The following TMEM176A variants were observed in gnomAD, a reference collection of about 807,000 sequenced individuals.
TMEM176A encodes hepatocellular carcinoma-associated antigen 112.
Under a neutral mutation model 27.9 loss-of-function variants are expected in TMEM176A, and 20 were observed. That is an observed-to-expected ratio of 0.72 (90% confidence interval 0.50 to 1.04). The LOEUF (loss-of-function observed/expected upper bound fraction) is 1.04, where lower values mean the gene tolerates loss of function less well. Ranked by LOEUF, TMEM176A falls within the 50% of genes least tolerant of loss-of-function variation. The probability of loss-of-function intolerance (pLI) is 0.00; values close to 1 mark genes in which losing one functional copy is unlikely to be tolerated. For missense variants in TMEM176A, 252 were observed against 289.1 expected, an observed-to-expected ratio of 0.87 and a Z score of 0.93; for synonymous variants, 125 against 118.0, an observed-to-expected ratio of 1.06 and a Z score of -0.38.
chr7:150,804,989 C>CACGGTCATGGGG lies in TMEM176A; in HGVS notation c.*121_*122insACGGTCATGGGG. On this transcript the variant is annotated 3_prime_UTR_variant, in exon 7 of 7. Coordinates refer to ENST00000004103, the MANE Select transcript of TMEM176A (RefSeq NM_018487.3). ...CTTCAACAGCCCCAGTTATCCTGGCCCCATGACCGTGGCCACAGCCCTGCT... is the reference window on the plus strand; with the variant it reads ...CTTCAACAGCCCCAGTTATCCTGGCCACGGTCATGGGGCCATGACCGTGGCCACAGCCCTGCT... The CACGGTCATGGGG allele has an allele frequency of 2.8e-6, 3 of 1,069,588 alleles. No homozygotes were observed. The highest frequency in any genetic ancestry group is 4.3e-6 in the Non-Finnish European group (3 of 697,214). The allele number at this position is 1,069,588 out of a possible 1,614,324, so 66.3% of individuals were successfully genotyped here. A position where few individuals can be genotyped will look rare whatever the true frequency, so the allele number is the denominator to read the frequency against.
rs368799902 is a variant in TMEM176A at position 150,804,476 on chromosome 7, A to C, written c.666+4A>C. 2.5e-6 allele frequency: 4 copies of C among 1,609,388 alleles called. No homozygotes were observed. The highest frequency in any genetic ancestry group is 3.4e-6 in the Non-Finnish European group (4 of 1,175,758). ...GAGAATGTTCCCAACCAAAGGGGTG[A>C]GTCCCTAAGGTGTGTGCCTGTGTAT... On this transcript the variant is annotated splice_donor_region_variant and intron_variant, in intron 6 of 6. Coordinates refer to ENST00000004103, the MANE Select transcript of TMEM176A (RefSeq NM_018487.3).
rs1293847438 is a variant in TMEM176A at position 150,800,836 on chromosome 7, G to C, written c.-16+8G>C. The C allele has an allele frequency of 6.1e-6, 5 of 817,614 alleles. No homozygotes were observed. The African/African-American group carries it at 9.3e-5, about 15-fold the overall frequency. The allele number at this position is 817,614 out of a possible 1,614,324, so 50.6% of individuals were successfully genotyped here. ...AGGTCCCGAGGAGCGCAGGTGAGGCGGCACCCCACTCCCGGCGGCCCCCGG... is the reference window on the plus strand; with the variant it reads ...AGGTCCCGAGGAGCGCAGGTGAGGCCGCACCCCACTCCCGGCGGCCCCCGG... On this transcript the variant is annotated splice_region_variant and intron_variant, in intron 1 of 6. Transcript: ENST00000004103.
At chr7:150,803,103 T>C (rs1329391897) in intron 3 of TMEM176A, 20 of 1,094,788 alleles carry the variant, frequency 1.8e-5, no homozygotes, top group Middle Eastern at 8.0e-4. Flanking sequence ...CCACCATCCC[T>C]AGAACTTTCA....
At chr7:150,802,701 A>G in intron 3 of TMEM176A, 1 of 1,051,222 alleles carries the variant, frequency 9.5e-7, no homozygotes, top group Non-Finnish European at 1.1e-6. Flanking sequence ...GGTTATTCTC[A>G]TTGTCCTCCA....
chr7:150,802,544 C>T (rs1349208804), intron 3 of TMEM176A: 4 of 666,838 alleles, frequency 6.0e-6, no homozygotes, highest in African/African-American at 3.7e-5. Context: ...CAGTGCTGTT[C>T]CCACCAGGCT....
chr7:150,802,290 G>A lies in TMEM176A; in HGVS notation c.250G>A (p.Val84Ile), dbSNP rs36111354. The change falls in exon 3 of 7, where the codon GTC becomes ATC. Residue 84 changes from valine to isoleucine, a missense_variant. By Grantham distance (29) the Val-to-Ile change is conservative. Transcript: ENST00000004103. ...FFYIRDYTLL[V>I]TSGAAIWTGA... ...CTACATCCGCGACTACACCCTCCTCGTCACCTCGGGAGCTGCCATCTGGAC... is the reference window on the plus strand; with the variant it reads ...CTACATCCGCGACTACACCCTCCTCATCACCTCGGGAGCTGCCATCTGGAC... 6.6e-3 allele frequency: 10,727 copies of A among 1,613,984 alleles called. 48 individuals carry two copies. The highest frequency in any genetic ancestry group is 7.7e-3 in the Non-Finnish European group (9,126 of 1,179,984).
chr7:150,805,098 A>C lies in TMEM176A; in HGVS notation c.*230A>C. 1 of 521,140 alleles carries C rather than the reference A, an allele frequency of 1.9e-6. No homozygotes were observed. The highest frequency in any genetic ancestry group is 3.4e-6 in the Non-Finnish European group (1 of 294,962). 32.3% of individuals were successfully genotyped at this position (521,140 alleles called of 1,614,324 possible). A position where few individuals can be genotyped will look rare whatever the true frequency, so the allele number is the denominator to read the frequency against. On this transcript the variant is annotated 3_prime_UTR_variant, in exon 7 of 7. Coordinates refer to ENST00000004103, the MANE Select transcript of TMEM176A (RefSeq NM_018487.3). The stretch of plus-strand genomic sequence containing the variant: ...CTCCTGAGTAGTCATGTGATAATAA[A>C]CTCTCATGTTATTGTTCCCAGGTTC...
chr7:150,803,878 G>T (rs771838393), intron 5 of TMEM176A, 46 bp downstream of exon 5: 6 of 1,565,780 alleles, frequency 3.8e-6, no homozygotes, highest in Middle Eastern at 1.9e-4. Context: ...GGCAGGGATG[G>T]CCAGGCCAGG....
At position 150,804,873 on chromosome 7, in the gene TMEM176A, G is replaced by A; in HGVS notation, c.*5G>A. ...TTGGAAGTGAGTGGAATCTAGCCAT[G>A]CCTCTCCTGATTATTAGTGCCTGGT... On this transcript the variant is annotated 3_prime_UTR_variant, in exon 7 of 7. Coordinates refer to ENST00000004103, the MANE Select transcript of TMEM176A (RefSeq NM_018487.3). 1.2e-6 allele frequency: 2 copies of A among 1,614,130 alleles called. No homozygotes were observed. The highest frequency in any genetic ancestry group is 2.2e-5 in the East Asian group (1 of 44,880).
rs371746484 is a variant in TMEM176A at position 150,801,666 on chromosome 7, C to T, written c.116C>T (p.Ala39Val). ...LAKLLLTCCS[A>V]LRPRATQARG... ...AAGCTCCTGCTCACCTGCTGCTCTG[C>T]GCTGCGGCCCCGGGCCACCCAGGCC... The change falls in exon 2 of 7, where the codon GCG becomes GTG. Residue 39 changes from alanine to valine, a missense_variant. Ala to Val is a moderately conservative substitution (Grantham distance 64). Coordinates refer to ENST00000004103, the MANE Select transcript of TMEM176A (RefSeq NM_018487.3). 9 of 1,610,536 alleles carry T rather than the reference C, an allele frequency of 5.6e-6. No homozygotes were observed. The Admixed American group carries it at 8.4e-5, about 15-fold the overall frequency.
rs76599936 is a variant in TMEM176A, at chr7:150,804,705, A to G, written c.667-122A>G. On this transcript the variant is annotated intron_variant, in intron 6 of 6. Transcript: ENST00000004103. ...ATCCAGGGAAGTCCATATCCATGCT[A>G]TGCCTTTGGATCAGGTACCATGCTG... 1.4e-3 allele frequency: 1,504 copies of G among 1,087,362 alleles called. 12 individuals carry two copies. In the African/African-American group the frequency reaches 0.02, roughly 14 times the overall value. The allele number at this position is 1,087,362 out of a possible 1,614,324, so 67.4% of individuals were successfully genotyped here.
intron 3 of TMEM176A, 80 bp from the exon 4 acceptor site, chr7:150,803,320 G>T: frequency 4.7e-6 from 7 of 1,492,990 alleles, no homozygotes; most frequent in Admixed American, 2.5e-5. Context: ...TGCTGGGGAA[G>T]GGCCTGCATG....
intron 2 of TMEM176A, 121 bp from the exon 3 acceptor site, chr7:150,802,094 C>T: frequency 1.4e-6 from 1 of 717,302 alleles, no homozygotes; most frequent in Non-Finnish European, 2.4e-6. Context: ...CTCTTCTCTT[C>T]TCTTCTCTTC....
At position 150,803,851 on chromosome 7, in the gene TMEM176A, G is replaced by C; in HGVS notation, c.555+19G>C. 1 of 1,611,696 alleles carries C rather than the reference G, an allele frequency of 6.2e-7. No individual in the cohort carries two copies. On this transcript the variant is annotated intron_variant, in intron 5 of 6. Transcript: ENST00000004103. Reference sequence around the variant, plus strand: ...GCTGAAGGTAGGTGGCCAAGGGGAAGGGGCAGCAGCAGGTGGGGCAGGGAT... The same window carrying C: ...GCTGAAGGTAGGTGGCCAAGGGGAACGGGCAGCAGCAGGTGGGGCAGGGAT...
chr7:150,801,800 C>T (rs1798803449), intron 2 of TMEM176A, 76 bp downstream of exon 2: 2 of 1,352,854 alleles, frequency 1.5e-6, no homozygotes, highest in Non-Finnish European at 2.0e-6. Flanking sequence ...TCTCTGCCAG[C>T]CTCCCTCTGA....
intron 3 of TMEM176A, chr7:150,803,146 T>G: frequency 8.2e-7 from 1 of 1,212,876 alleles, no homozygotes; most frequent in African/African-American, 1.6e-5. Context: ...AAAGGAAGGT[T>G]TAGAAGGGAA....
chr7:150,800,783 C>G lies in TMEM176A; in HGVS notation c.-61C>G, dbSNP rs919105022. 5 of 221,006 alleles carry G rather than the reference C, an allele frequency of 2.3e-5. No individual in the cohort carries two copies. The highest frequency in any genetic ancestry group is 1.2e-4 in the African/African-American group (5 of 42,102). The allele number at this position is 221,006 out of a possible 1,614,324, so 13.7% of individuals were successfully genotyped here. On this transcript the variant is annotated 5_prime_UTR_variant, in exon 1 of 7. Transcript: ENST00000004103. ...ACTCTCAACCCACTTCTCCAGCCAG[C>G]GCCCCAGCCCTCCCGCCGCCCGCTC...
chr7:150,802,500 C>T (rs1477735333), intron 3 of TMEM176A, 175 bp downstream of exon 3: 6 of 701,254 alleles, frequency 8.6e-6, no homozygotes, highest in Non-Finnish European at 1.2e-5. Context: ...GGTGGCATGT[C>T]CTATTCACAC....
At chr7:150,803,257 T>A in intron 3 of TMEM176A, 143 bp from the exon 4 acceptor site, 1 of 1,385,870 alleles carries the variant, frequency 7.2e-7, no homozygotes, top group Non-Finnish European at 9.4e-7. Flanking sequence ...CTCTCAGCAA[T>A]TATCTTACCA....
Sources: gnomAD v4.1 joint callset for allele counts on GRCh38, gnomAD v4.1.1 for gene constraint, MANE v1.5 for transcripts, NCBI Gene and HGNC (gene_info 2026-07-23, HGNC 2026-07-21) for gene names.